Variants in OR7E24 observed in about 807,000 individuals in gnomAD.
OR7E24 encodes the protein olfactory receptor 7E24.
For synonymous variants in OR7E24, 130 were observed against 157.5 expected, an observed-to-expected ratio of 0.83 and a Z score of 1.31; for missense variants, 385 against 410.3, an observed-to-expected ratio of 0.94 and a Z score of 0.53.
the OR7E24 span, among the ~76,000 whole-genome samples, chr19:9,226,331 G>A: frequency 6.6e-6 from 1 of 152,202 alleles, no homozygotes; most frequent in Non-Finnish European, 1.5e-5. Flanking sequence ...AAGGAGACAA[G>A]GTCATTTATA....
the OR7E24 span, chr19:9,236,274 A>C: frequency 2.0e-6 from 1 of 491,506 alleles, no homozygotes; most frequent in African/African-American, 1.9e-5. Flanking sequence ...GCACTTTGGG[A>C]GGCAGAGGCG....
chr19:9,222,109 T>C, the OR7E24 span, among the ~76,000 whole-genome samples: 1 of 152,242 alleles, frequency 6.6e-6, no homozygotes, highest in African/African-American at 2.4e-5. Context: ...GGCACCTTTG[T>C]TGAAAATCAG....
chr19:9,227,124 C>A, the OR7E24 span, among the ~76,000 whole-genome samples: 1 of 152,134 alleles, frequency 6.6e-6, no homozygotes, highest in African/African-American at 2.4e-5. Context: ...TAGCTTTCAC[C>A]TATAAGTGAG....
chr19:9,210,701 C>T, the OR7E24 span: 1 of 151,706 alleles, frequency 6.6e-6, no homozygotes, highest in Non-Finnish European at 1.5e-5. Flanking sequence ...CACACACACA[C>T]ACACACAACA....
chr19:9,233,396 G>A, the OR7E24 span, among the ~76,000 whole-genome samples: 3 of 152,012 alleles, frequency 2.0e-5, no homozygotes, highest in African/African-American at 7.2e-5. Flanking sequence ...GTTGATGATC[G>A]ACTCTACTGA....
the OR7E24 span, chr19:9,210,575 CA>C: frequency 1.3e-5 from 2 of 152,140 alleles, no homozygotes; most frequent in African/African-American, 4.8e-5. Flanking sequence ...CAAGACATCT[CA>C]AAACAAAACA....
the OR7E24 span, chr19:9,214,362 T>C: frequency 6.2e-7 from 1 of 1,613,930 alleles, no homozygotes; most frequent in Non-Finnish European, 8.5e-7. Context: ...CAGTAGAATA[T>C]GAACCAGGGA....
chr19:9,235,970 T>C, the OR7E24 span: 185 of 1,611,586 alleles, frequency 1.1e-4, 2 homozygotes, highest in South Asian at 1.9e-3. Flanking sequence ...ATGGCCTCAG[T>C]GATGTACGCC....
chr19:9,222,687 C>G, the OR7E24 span, among the ~76,000 whole-genome samples: 2 of 151,940 alleles, frequency 1.3e-5, no homozygotes, highest in African/African-American at 2.4e-5. Context: ...TTTGTTAGTT[C>G]TAACAGTTTT....
chr19:9,219,760 A>T, the OR7E24 span, among the ~76,000 whole-genome samples: 1 of 152,026 alleles, frequency 6.6e-6, no homozygotes, highest in African/African-American at 2.4e-5. Context: ...CCCTTTGAGT[A>T]GTAAGAAGAT....
At chr19:9,242,780 G>C (rs1187261031), upstream of OR7E24, among the ~76,000 whole-genome samples, 1 of 152,042 alleles carries the variant, frequency 6.6e-6, no homozygotes, top group Non-Finnish European at 1.5e-5. Context: ...GAATAACTGA[G>C]ACGTTGCTTC....
the OR7E24 span, among the ~76,000 whole-genome samples, chr19:9,223,994 G>A: frequency 6.6e-6 from 1 of 151,978 alleles, no homozygotes; most frequent in Admixed American, 6.6e-5. Context: ...GGGATAACAG[G>A]TGTGTGCCAC....
the OR7E24 span, chr19:9,235,441 C>T: frequency 7.5e-6 from 12 of 1,606,640 alleles, no homozygotes; most frequent in African/African-American, 2.7e-5. Context: ...GTGCCTCACT[C>T]AGGTGTATTT....
upstream of OR7E24, among the ~76,000 whole-genome samples, chr19:9,245,845 G>C (rs923452336): frequency 6.6e-6 from 1 of 151,888 alleles, no homozygotes; most frequent in Admixed American, 6.6e-5. Flanking sequence ...CTCGTGACTG[G>C]GCCTCATGCC....
chr19:9,236,818 G>C, the OR7E24 span, among the ~76,000 whole-genome samples: 1 of 152,038 alleles, frequency 6.6e-6, no homozygotes, highest in East Asian at 1.9e-4. Flanking sequence ...ATCTTAATTT[G>C]ATTTTGCTCG....
At chr19:9,214,816 C>A in the OR7E24 span, 5 of 1,606,260 alleles carry the variant, frequency 3.1e-6, no homozygotes, top group Admixed American at 1.7e-5. Context: ...TTTGATAATT[C>A]TGTAAGGTTT....
the OR7E24 span, chr19:9,235,559 A>G: frequency 3.9e-6 from 6 of 1,554,348 alleles, no homozygotes; most frequent in African/African-American, 2.7e-5. Flanking sequence ...ATAAACCCCC[A>G]TCTCTGTGGC....
the OR7E24 span, among the ~76,000 whole-genome samples, chr19:9,224,498 G>C: frequency 6.6e-6 from 1 of 152,048 alleles, no homozygotes; most frequent in Non-Finnish European, 1.5e-5. Flanking sequence ...GCTCACACCT[G>C]TAATCCCAGC....
chr19:9,251,004 T>C lies in OR7E24; in HGVS notation c.-40T>C. The C allele has an allele frequency of 7.0e-7, 1 of 1,425,554 alleles. No homozygotes were observed. Among genetic ancestry groups the C allele is most frequent in the Non-Finnish European group, 9.4e-7 (1 of 1,064,338 alleles). 88.3% of individuals were successfully genotyped at this position (1,425,554 alleles called of 1,614,324 possible). ...GAAAACTTAATTTCTTAATTGCTTG[T>C]ATCCAAAATATAGACACAGTGCTAG... On this transcript the variant is annotated 5_prime_UTR_variant, in exon 1 of 1. Transcript: ENST00000456448.
Sources: gnomAD v4.1 joint callset for allele counts (sites outside exome capture counted in the v4.1 genomes callset) on GRCh38, gnomAD v4.1.1 for gene constraint, MANE v1.5 for transcripts, NCBI Gene and HGNC (gene_info 2026-07-23, HGNC 2026-07-21) for gene names.